PCBP3: variants seen among roughly 807,000 people sequenced by gnomAD.
PCBP3 encodes poly(rC) binding protein 3, also known as poly(rC)-binding protein 3.
Under a neutral mutation model 52.7 loss-of-function variants are expected in PCBP3, and 25 were observed. The observed-to-expected ratio is 0.47, with a 90% confidence interval of 0.35 to 0.66. The LOEUF is 0.66. PCBP3 is among the 30% of genes least tolerant of loss of function. The probability of loss-of-function intolerance (pLI) is 0.01; values close to 1 mark genes in which losing one functional copy is unlikely to be tolerated. For missense variants in PCBP3, 391 were observed against 490.3 expected, an observed-to-expected ratio of 0.80 and a Z score of 1.91; for synonymous variants, 162 against 183.0, an observed-to-expected ratio of 0.89 and a Z score of 0.93.
At chr21:45,782,862 G>C (rs1428197401) in intron 4 of PCBP3, among the ~76,000 whole-genome samples, 1 of 152,248 alleles carries the variant, frequency 6.6e-6, no homozygotes, top group Non-Finnish European at 1.5e-5. Flanking sequence ...CAATCTCGTG[G>C]TGGGCACAGC....
rs1043394971 is a variant in PCBP3 at position 45,736,290 on chromosome 21, C to G, written c.-162+861C>G. Among the ~76,000 whole-genome samples, 1 of 152,192 alleles carries G rather than the reference C, an allele frequency of 6.6e-6. No homozygotes were observed. The highest frequency in any genetic ancestry group is 6.5e-5 in the Admixed American group (1 of 15,286). ...GTAACTCACTCAGGTTATCTTGGTGCCAGTGGTGGGGCTGGGATTTGAGCC... is the reference window on the plus strand; with the variant it reads ...GTAACTCACTCAGGTTATCTTGGTGGCAGTGGTGGGGCTGGGATTTGAGCC... On this transcript the variant is annotated intron_variant, in intron 3 of 17. Transcript: ENST00000681687. The surrounding 1 kb of genome is among the most constrained non-coding windows in gnomAD (Gnocchi z 4.6).
At chr21:45,785,047 G>A (rs2146199029) in intron 4 of PCBP3, among the ~76,000 whole-genome samples, 1 of 151,858 alleles carries the variant, frequency 6.6e-6, no homozygotes, top group South Asian at 2.1e-4. Flanking sequence ...CATCATCTGA[G>A]ATGTGGGGAG....
rs778747100 is a variant in PCBP3 at position 45,737,235 on chromosome 21, G to A, written c.-162+1806G>A. On this transcript the variant is annotated intron_variant, in intron 3 of 17. Coordinates refer to ENST00000681687, the MANE Select transcript of PCBP3 (RefSeq NM_001384156.1). This position sits in a 1 kb window ranked among gnomAD's most constrained non-coding sequence, Gnocchi z 4.9. ...CTGAGAGGAGCCCACAGCAGGGTGG[G>A]TGTGGGAGCAGGGAGCCAGCCAGTC... Among the ~76,000 whole-genome samples, 2 of 152,164 alleles carry A rather than the reference G, an allele frequency of 1.3e-5. No individual in the cohort carries two copies. The highest frequency in any genetic ancestry group is 2.1e-4 in the South Asian group (1 of 4,828).
rs907948314 is a variant in PCBP3, at chr21:45,902,770, C to T, written c.339+1657C>T. Among the ~76,000 whole-genome samples the T allele has an allele frequency of 4.6e-5, 7 of 152,368 alleles. No individual in the cohort carries two copies. The South Asian group carries it at 1.4e-3, about 32-fold the overall frequency. ...ACCTTCGCTCTGCAGGTAACATGTG[C>T]AGTGGCACAGACGCCAGCATGGCTG... On this transcript the variant is annotated intron_variant, in intron 9 of 17. Transcript: ENST00000681687.
intron 2 of PCBP3, among the ~76,000 whole-genome samples, chr21:45,706,505 C>T (rs1050460694): frequency 2.6e-5 from 4 of 152,048 alleles, no homozygotes; most frequent in South Asian, 4.1e-4. Flanking sequence ...TCTCTACTGC[C>T]CCCCTTTCCC....
intron 2 of PCBP3, among the ~76,000 whole-genome samples, chr21:45,720,152 G>C (rs1382930359): frequency 2.6e-5 from 4 of 152,108 alleles, no homozygotes; most frequent in African/African-American, 9.7e-5. Context: ...CGTCTGCCAT[G>C]GTGGTTTGCT....
intron 13 of PCBP3, among the ~76,000 whole-genome samples, chr21:45,924,169 G>A (rs1280014826): frequency 8.1e-6 from 1 of 124,192 alleles, no homozygotes; most frequent in Non-Finnish European, 1.7e-5. Context: ...GTGAACACTG[G>A]GAACAGTCGC....
chr21:45,803,035 G>A, intron 4 of PCBP3, among the ~76,000 whole-genome samples: 1 of 152,150 alleles, frequency 6.6e-6, no homozygotes, highest in African/African-American at 2.4e-5. Flanking sequence ...AAATTGTTTT[G>A]TTGTGCAAAC....
chr21:45,685,953 C>T (rs1473939901), intron 2 of PCBP3, among the ~76,000 whole-genome samples: 1 of 138,754 alleles, frequency 7.2e-6, no homozygotes, highest in African/African-American at 2.7e-5. Flanking sequence ...GAGTCTTACT[C>T]TGTCGCTCAG....
At chr21:45,671,646 G>C (rs766537408) in intron 2 of PCBP3, among the ~76,000 whole-genome samples, 1 of 152,154 alleles carries the variant, frequency 6.6e-6, no homozygotes, top group African/African-American at 2.4e-5. Context: ...TACAGGATTT[G>C]GGCTTTGGTT....
Position 45,736,742 on chromosome 21 carries a change from C to T in PCBP3, c.-162+1313C>T, listed in dbSNP as rs2085898030. On this transcript the variant is annotated intron_variant, in intron 3 of 17. Coordinates refer to ENST00000681687, the MANE Select transcript of PCBP3 (RefSeq NM_001384156.1). The surrounding 1 kb of genome is among the most constrained non-coding windows in gnomAD (Gnocchi z 4.6). Reference sequence around the variant, plus strand: ...TGAACAAAGACTTTGTTTGTTCCTTCATTCGTTCAGCACATGTTTACAGTG... The same window carrying T: ...TGAACAAAGACTTTGTTTGTTCCTTTATTCGTTCAGCACATGTTTACAGTG... 6.6e-6 allele frequency among the ~76,000 whole-genome samples: 1 copy of T among 152,208 alleles called. No homozygotes were observed. Among genetic ancestry groups the T allele is most frequent in the Non-Finnish European group, 1.5e-5 (1 of 68,030 alleles).
rs142232922 is a variant in PCBP3, at chr21:45,655,850, A to G, written c.-279+11982A>G. Among the ~76,000 whole-genome samples, 263 of 152,268 alleles carry G rather than the reference A, an allele frequency of 1.7e-3. 1 individual carries two copies. The highest frequency in any genetic ancestry group is 6.1e-3 in the African/African-American group (252 of 41,556). On this transcript the variant is annotated intron_variant, in intron 1 of 17. Coordinates refer to ENST00000681687, the MANE Select transcript of PCBP3 (RefSeq NM_001384156.1). ...CATCAAAAAGTGGGCAAGGCATATG[A>G]ACAGAAGAAGACATTTATGCAGCCA...
chr21:45,674,799 C>T (rs546052392), intron 2 of PCBP3, among the ~76,000 whole-genome samples: 2 of 152,228 alleles, frequency 1.3e-5, no homozygotes, highest in East Asian at 1.9e-4. Context: ...AGATGTGATC[C>T]GTAGATTCCC....
At chr21:45,655,336 A>G (rs1267379791) in intron 1 of PCBP3, among the ~76,000 whole-genome samples, 1 of 152,056 alleles carries the variant, frequency 6.6e-6, no homozygotes, top group Non-Finnish European at 1.5e-5. Context: ...GTAAAATTCC[A>G]AACAATTTGG....
intron 4 of PCBP3, among the ~76,000 whole-genome samples, chr21:45,841,310 T>G (rs188873827): frequency 1.3e-5 from 2 of 152,286 alleles, no homozygotes; most frequent in African/African-American, 2.4e-5. Flanking sequence ...CTTTTTTACC[T>G]CTCTTTCTGT....
At chr21:45,723,068 T>C (rs1468050479) in intron 2 of PCBP3, among the ~76,000 whole-genome samples, 1 of 151,880 alleles carries the variant, frequency 6.6e-6, no homozygotes, top group East Asian at 1.9e-4. Flanking sequence ...TAGAAGAAAA[T>C]ACACTCTACT....
At chr21:45,661,178 G>C (rs541922546) in intron 1 of PCBP3, among the ~76,000 whole-genome samples, 2 of 152,098 alleles carry the variant, frequency 1.3e-5, no homozygotes, top group African/African-American at 4.8e-5. Flanking sequence ...AATAGATTTA[G>C]AGGGAACAAG....
chr21:45,808,179 C>T (rs1339452689), intron 4 of PCBP3, among the ~76,000 whole-genome samples: 1 of 152,086 alleles, frequency 6.6e-6, no homozygotes, highest in African/African-American at 2.4e-5. Context: ...GCAACAAAAG[C>T]CAAAATTGAC....
chr21:45,715,506 AT>A (rs2084155406), intron 2 of PCBP3, among the ~76,000 whole-genome samples: 1 of 152,220 alleles, frequency 6.6e-6, no homozygotes, highest in Non-Finnish European at 1.5e-5. Context: ...CATGTACATT[AT>A]CAGTCACTCT....
Sources: allele counts gnomAD v4.1 joint callset (sites outside exome capture counted in the v4.1 genomes callset), GRCh38; gene constraint gnomAD v4.1.1; non-coding constraint Gnocchi (gnomAD v3.1); transcripts MANE v1.5; gene names NCBI Gene and HGNC (gene_info 2026-07-23, HGNC 2026-07-21).